The following PLCL1 variants were observed in gnomAD, a reference collection of about 807,000 sequenced individuals.
PLCL1 encodes phospholipase C like 1 (inactive), also known as inactive phospholipase C-like protein 1.
Under a neutral mutation model 84.4 loss-of-function variants are expected in PLCL1, and 41 were observed. The observed-to-expected ratio is 0.49, with a 90% confidence interval of 0.38 to 0.63. The LOEUF (loss-of-function observed/expected upper bound fraction) is 0.63, where lower values mean the gene tolerates loss of function less well. Among genes scored for constraint, PLCL1 ranks in the 30% least tolerant of loss-of-function variants. PLCL1 has a pLI of 0.00. For synonymous variants in PLCL1, 490 were observed against 488.3 expected (o/e 1.00, Z -0.05); for missense variants, 1,206 against 1,367.8 (o/e 0.88, Z 1.87).
chr2:197,876,868 G>C (rs1039422375), intron 1 of PLCL1, among the ~76,000 whole-genome samples: 5 of 152,130 alleles, frequency 3.3e-5, no homozygotes, highest in African/African-American at 1.2e-4. Flanking sequence ...TTTAAAAATA[G>C]GTTATGCTAT....
At position 197,817,883 on chromosome 2, in the gene PLCL1, A is replaced by ATT. The variant is rs564770667; in HGVS notation, c.240+12551_240+12552dup. Among the ~76,000 whole-genome samples, 68 of 151,926 alleles carry ATT rather than the reference A, an allele frequency of 4.5e-4. 2 individuals are homozygous for ATT. The South Asian group carries it at 0.01, about 22-fold the overall frequency. ...AAGTTGTACATTTTGGAATTTATTT[A>ATT]TTTTTTTTAATTTTGATGGTCTTTG... On this transcript the variant is annotated intron_variant, in intron 1 of 5. Coordinates refer to ENST00000428675, the MANE Select transcript of PLCL1 (RefSeq NM_006226.4).
At chr2:198,140,457 A>G (rs935470899) in intron 5 of PLCL1, among the ~76,000 whole-genome samples, 1 of 152,126 alleles carries the variant, frequency 6.6e-6, no homozygotes, top group Non-Finnish European at 1.5e-5. Context: ...TACTATTTTG[A>G]AGTAACTAGG....
intron 3 of PLCL1, among the ~76,000 whole-genome samples, chr2:198,090,021 A>G (rs1025618823): frequency 2.6e-5 from 4 of 152,184 alleles, no homozygotes; most frequent in African/African-American, 9.6e-5. Flanking sequence ...TCTTGGAGAA[A>G]CAATTGGCAA....
In PLCL1 at chr2:198,085,243, C is replaced by A. The variant is rs1427049102; in HGVS notation, c.1726C>A (p.Gln576Lys). The A allele has an allele frequency of 2.5e-6, 4 of 1,613,922 alleles. No homozygotes were observed. Among genetic ancestry groups the A allele is most frequent in the Non-Finnish European group, 3.4e-6 (4 of 1,179,910 alleles). Residue 576 changes from glutamine (Q) to lysine (K), a missense_variant, in exon 2 of 6, where the codon CAG (glutamine) becomes AAG (lysine). Coordinates refer to ENST00000428675, the MANE Select transcript of PLCL1 (RefSeq NM_006226.4). This position sits in a 1 kb window ranked among gnomAD's most constrained non-coding sequence, Gnocchi z 5.3. ...RRMSVDYNGE[Q>K]KQIRLCRELS... ...GATGTCGGTAGATTACAATGGTGAG[C>A]AGAAGCAAATCCGACTCTGTAGGGA... is the stretch of plus-strand genomic sequence containing the variant.
chr2:198,020,335 C>T (rs941760453), intron 1 of PLCL1, among the ~76,000 whole-genome samples: 17 of 152,092 alleles, frequency 1.1e-4, no homozygotes, highest in Admixed American at 9.2e-4. Flanking sequence ...ATCAACTAAT[C>T]GGAAAATAAC....
intron 1 of PLCL1, among the ~76,000 whole-genome samples, chr2:197,852,986 T>G (rs79015142): frequency 6.6e-6 from 1 of 152,172 alleles, no homozygotes; most frequent in South Asian, 2.1e-4. Flanking sequence ...TCTTCCCCAA[T>G]TGAAATTCTA....
intron 1 of PLCL1, among the ~76,000 whole-genome samples, chr2:197,866,203 A>G (rs1687539888): frequency 7.5e-6 from 1 of 133,436 alleles, no homozygotes; most frequent in Non-Finnish European, 1.6e-5. Context: ...CTATATATAT[A>G]TATATAGTTA....
intron 1 of PLCL1, among the ~76,000 whole-genome samples, chr2:197,888,361 A>G (rs531112038): frequency 6.6e-6 from 1 of 152,298 alleles, no homozygotes; most frequent in African/African-American, 2.4e-5. Flanking sequence ...TATGGTGTTT[A>G]TGAGCAACCG....
chr2:197,969,147 A>T (rs558330071), intron 1 of PLCL1, among the ~76,000 whole-genome samples: 1 of 152,200 alleles, frequency 6.6e-6, no homozygotes, highest in Non-Finnish European at 1.5e-5. Context: ...GAAGAGTTTC[A>T]TCCTGAAACA....
intron 1 of PLCL1, among the ~76,000 whole-genome samples, chr2:197,936,112 A>G (rs1218233736): frequency 2.7e-5 from 4 of 149,382 alleles, no homozygotes; most frequent in African/African-American, 9.8e-5. Flanking sequence ...TATTGTGTGT[A>G]TGTATACATA....
At position 198,088,920 on chromosome 2, in the gene PLCL1, C is replaced by G; in HGVS notation, c.2778C>G (p.Cys926Trp). 1 of 1,612,352 alleles carries G rather than the reference C, an allele frequency of 6.2e-7. No individual in the cohort carries two copies. The highest frequency in any genetic ancestry group is 8.5e-7 in the Non-Finnish European group (1 of 1,178,434). Residue 926 changes from cysteine (C) to tryptophan (W), a missense_variant, in exon 3 of 6, where the codon TGC (cysteine) becomes TGG (tryptophan). Physicochemically the swap from Cys to Trp is radical, Grantham distance 215 (BLOSUM62 -2). Coordinates refer to ENST00000428675, the MANE Select transcript of PLCL1 (RefSeq NM_006226.4). ...GLPPIASLKQCLLTLSSRLIT... is the reference protein window; with the variant it reads ...GLPPIASLKQWLLTLSSRLIT... ...CTCCAATTGCCAGTCTGAAGCAGTG[C>G]CTGTTAACTCTGTCATCTCGGCTCA...
At chr2:197,998,216 T>TGTGTGTGTGTGTGA (rs1288667570) in intron 1 of PLCL1, among the ~76,000 whole-genome samples, 2 of 149,072 alleles carry the variant, frequency 1.3e-5, no homozygotes, top group African/African-American at 2.5e-5. Context: ...TGTGTGTGTG[T>TGTGTGTGTGTGTGA]GATATGAGAT....
At chr2:197,819,742 C>A (rs924207724) in intron 1 of PLCL1, among the ~76,000 whole-genome samples, 1 of 151,988 alleles carries the variant, frequency 6.6e-6, no homozygotes, top group Non-Finnish European at 1.5e-5. Flanking sequence ...TTCTTTCAAG[C>A]GTTCATGTTA....
chr2:198,070,756 G>A (rs917467834), intron 1 of PLCL1, among the ~76,000 whole-genome samples: 1 of 151,746 alleles, frequency 6.6e-6, no homozygotes, highest in Non-Finnish European at 1.5e-5. Flanking sequence ...TTCTACTTAT[G>A]ACTCAAAAAA....
chr2:197,873,049 A>C (rs2105706681), intron 1 of PLCL1, among the ~76,000 whole-genome samples: 1 of 152,284 alleles, frequency 6.6e-6, no homozygotes, highest in South Asian at 2.1e-4. Context: ...CAAGGGTCTA[A>C]GATTTACCAC....
At chr2:198,077,555 A>G (rs1428190457) in intron 1 of PLCL1, among the ~76,000 whole-genome samples, 2 of 152,040 alleles carry the variant, frequency 1.3e-5, no homozygotes, top group Admixed American at 6.6e-5. Flanking sequence ...CCCAGCCTCT[A>G]AATACTGGTG....
At chr2:197,834,308 T>C (rs763275468) in intron 1 of PLCL1, among the ~76,000 whole-genome samples, 1 of 152,144 alleles carries the variant, frequency 6.6e-6, no homozygotes, top group Admixed American at 6.5e-5. Flanking sequence ...AAATGGGATC[T>C]AATTAAACTA....
At chr2:197,938,668 G>T (rs1477395422) in intron 1 of PLCL1, among the ~76,000 whole-genome samples, 2 of 152,138 alleles carry the variant, frequency 1.3e-5, no homozygotes, top group African/African-American at 4.8e-5. Flanking sequence ...CTTTCAAGGG[G>T]AATACCTGGA....
chr2:197,918,423 A>G (rs1314305606), intron 1 of PLCL1, among the ~76,000 whole-genome samples: 1 of 152,214 alleles, frequency 6.6e-6, no homozygotes, highest in Admixed American at 6.5e-5. Flanking sequence ...AGAAGAAAAT[A>G]TGGATTTTAG....
Sources: gnomAD v4.1 joint callset for allele counts (sites outside exome capture counted in the v4.1 genomes callset) on GRCh38, gnomAD v4.1.1 for gene constraint, Gnocchi (gnomAD v3.1) non-coding constraint, MANE v1.5 for transcripts, NCBI Gene and HGNC (gene_info 2026-07-23, HGNC 2026-07-21) for gene names.